ABCA2: variants seen among roughly 807,000 people sequenced by gnomAD.
ABCA2 encodes the protein ATP-binding cassette sub-family A member 2.
Under a neutral mutation model 262.8 loss-of-function variants are expected in ABCA2, and 84 were observed. The ratio of observed to expected loss-of-function variants is 0.32; its 90% CI spans 0.27 to 0.38. The LOEUF (loss-of-function observed/expected upper bound fraction) is 0.38, where lower values mean the gene tolerates loss of function less well. Ranked by LOEUF, ABCA2 falls within the 10% of genes least tolerant of loss-of-function variation. The pLI is 1.00. For missense variants in ABCA2, 2,662 were observed against 3,405.9 expected (o/e 0.78, Z 5.44); for synonymous variants, 1,696 against 1,502.9 (o/e 1.13, Z -2.97).
At position 137,020,998 on chromosome 9, in the gene ABCA2, G is replaced by A; in HGVS notation, c.961C>T (p.Gln321Ter). ...SPQAPPPRRL[Q>*]ALLGDLLDAQ... ...TCCAGCAGGTCCCCCAGAAGCGCCT[G>A]CAGCCTCCGTGGGGGTGGCGCCTGT... The change falls in exon 9 of 49, where the codon CAG (glutamine) becomes TAG (stop). Residue 321 changes from glutamine to a stop codon, truncating the protein, a stop_gained. Coordinates refer to ENST00000341511, the MANE Select transcript of ABCA2 (RefSeq NM_001606.5). LOFTEE classifies it high-confidence loss of function. The A allele has an allele frequency of 6.6e-7, 1 of 1,510,342 alleles. No homozygotes were observed. The highest frequency in any genetic ancestry group is 8.9e-7 in the Non-Finnish European group (1 of 1,128,614). 93.6% of individuals were successfully genotyped at this position (1,510,342 alleles called of 1,614,324 possible).
At chr9:137,027,271 GC>G (rs1412210338) in intron 1 of ABCA2, among the ~76,000 whole-genome samples, 1 of 152,214 alleles carries the variant, frequency 6.6e-6, no homozygotes, top group Non-Finnish European at 1.5e-5. Context: ...ATATCCCCAA[GC>G]CCCTCGCTCC....
Position 137,011,628 on chromosome 9 carries a change from G to T in ABCA2, c.5651+6C>A, listed in dbSNP as rs184604503. On this transcript the variant is annotated splice_donor_region_variant and intron_variant, in intron 36 of 48. Coordinates refer to ENST00000341511, the MANE Select transcript of ABCA2 (RefSeq NM_001606.5). The surrounding 1 kb of genome is among the most constrained non-coding windows in gnomAD (Gnocchi z 8.8). ...TGAGGCCGCTCCCCCCTCCGCTTCC[G>T]CTTACCCATAGAGCAGGAAGAGGGA... 1 of 1,552,906 alleles carries T rather than the reference G, an allele frequency of 6.4e-7. No homozygotes were observed. Among genetic ancestry groups the T allele is most frequent in the Admixed American group, 2.0e-5 (1 of 51,230 alleles).
At chr9:137,010,591 A>AC in intron 40 of ABCA2, 29 bp downstream of exon 40, 2 of 295,876 alleles carry the variant, frequency 6.8e-6, no homozygotes, top group African/African-American at 7.8e-5. Flanking sequence ...TACCCCACCC[A>AC]GGCCCCACCC....
chr9:137,015,074 G>A lies in ABCA2; in HGVS notation c.3721C>T (p.Pro1241Ser). 1.3e-6 allele frequency: 2 copies of A among 1,597,396 alleles called. No homozygotes were observed. The highest frequency in any genetic ancestry group is 3.3e-4 in the Middle Eastern group (2 of 5,978). Residue 1241 changes from proline (P) to serine (S), a missense_variant, in exon 25 of 49, where the codon CCA (proline) becomes TCA (serine). Transcript: ENST00000341511. Reference sequence around the variant, plus strand: ...CAGCTGCTCAGCGGGGCCCGACCTGGGGGGCTGGATGCCAGCCCTGGCTCT... The same window carrying A: ...CAGCTGCTCAGCGGGGCCCGACCTGAGGGGCTGGATGCCAGCCCTGGCTCT... ...PQEPGLASSP[P>S]GRAPLSSCSE...
chr9:137,008,257 C>A (rs746091822), intron 48 of ABCA2, 159 bp downstream of exon 48: 4 of 903,370 alleles, frequency 4.4e-6, no homozygotes, highest in South Asian at 1.4e-5. Flanking sequence ...TCTCTCCAGG[C>A]CTATCTGCAA....
chr9:137,023,269 A>T (rs1299444405), intron 3 of ABCA2: 2 of 633,764 alleles, frequency 3.2e-6, no homozygotes. Context: ...CAGAGGTCAA[A>T]GAGCCACTCA....
intron 3 of ABCA2, chr9:137,023,488 G>A (rs768740374): frequency 5.4e-6 from 4 of 734,818 alleles, no homozygotes; most frequent in East Asian, 2.6e-5. Flanking sequence ...GGAGTATGAA[G>A]GGAGAGTAGC....
intron 1 of ABCA2, among the ~76,000 whole-genome samples, chr9:137,027,144 G>C (rs1179110236): frequency 3.3e-5 from 5 of 152,260 alleles, no homozygotes; most frequent in Non-Finnish European, 7.3e-5. Flanking sequence ...GCCCTGGCCT[G>C]GACAATCCCA....
rs750389114 is a variant in ABCA2 at position 137,021,506 on chromosome 9, C to A, written c.783G>T (p.Leu261=). The A allele has an allele frequency of 6.2e-7, 1 of 1,608,132 alleles. No homozygotes were observed. The highest frequency in any genetic ancestry group is 1.1e-5 in the South Asian group (1 of 90,280). The change falls in exon 8 of 49, where the codon CTG becomes CTT. Residue 261 remains leucine, a synonymous_variant. Coordinates refer to ENST00000341511, the MANE Select transcript of ABCA2 (RefSeq NM_001606.5). The surrounding 1 kb of genome is among the most constrained non-coding windows in gnomAD (Gnocchi z 6.0). ...TGCAGACAGCATCCCGGTAGCCCTG[C>A]AGGGCTCCCTTCTGACTCTCAGGCA... ...LTVPESQKGA[L]QGYRDAVCSG...
Position 137,010,017 on chromosome 9 carries a change from C to A in ABCA2, c.6461G>T (p.Arg2154Leu). The A allele has an allele frequency of 6.3e-7, 1 of 1,599,422 alleles. No individual in the cohort carries two copies. ...GTCCTTCCAGGAGATCCCACGCAGC[C>A]GCGTGTACAGCTGCAGGTGCTCCCG... ...TAREHLQLYTRLRGISWKDEA... is the reference protein window; with the variant it reads ...TAREHLQLYTLLRGISWKDEA... Residue 2154 changes from arginine to leucine, a missense_variant, in exon 42 of 49, where the codon CGG (arginine) becomes CTG (leucine). Arg to Leu is a moderately radical substitution (Grantham distance 102). This residue lies in a region of ABCA2 where 602 missense variants were observed against 897.4 expected (regional missense o/e 0.67). Coordinates refer to ENST00000341511, the MANE Select transcript of ABCA2 (RefSeq NM_001606.5).
Position 137,008,339 on chromosome 9 carries a change from C to A in ABCA2, c.7275+77G>T, listed in dbSNP as rs533434851. ...CCTGGGGCCAGTTCTCCCCCGACCC[C>A]ACCCGCGGCTGGAGCCACCAGGCAG... On this transcript the variant is annotated intron_variant, in intron 48 of 48. Coordinates refer to ENST00000341511, the MANE Select transcript of ABCA2 (RefSeq NM_001606.5). The A allele has an allele frequency of 4.6e-6, 7 of 1,507,840 alleles. No individual in the cohort carries two copies. In the Admixed American group the frequency reaches 5.9e-5, roughly 13 times the overall value. The allele number at this position is 1,507,840 out of a possible 1,614,324, so 93.4% of individuals were successfully genotyped here.
chr9:137,025,689 G>A (rs1831631729), intron 1 of ABCA2, among the ~76,000 whole-genome samples: 1 of 152,182 alleles, frequency 6.6e-6, no homozygotes, highest in Non-Finnish European at 1.5e-5. Context: ...CTGCAGGAGT[G>A]AGGCAATGTC....
chr9:137,024,329 AC>A, intron 1 of ABCA2, 93 bp from the exon 2 acceptor site: 2 of 1,120,160 alleles, frequency 1.8e-6, no homozygotes, highest in Non-Finnish European at 2.5e-6. Flanking sequence ...CCCAGACAGG[AC>A]CACGTGCTCC....
Position 137,017,595 on chromosome 9 carries a change from G to A in ABCA2, c.2309C>T (p.Ala770Val), listed in dbSNP as rs144972341. 121 of 1,612,772 alleles carry A rather than the reference G, an allele frequency of 7.5e-5. No individual in the cohort carries two copies. The highest frequency in any genetic ancestry group is 9.8e-5 in the Non-Finnish European group (116 of 1,179,930). Reference sequence around the variant, plus strand: ...AAGCACCTGGCCGTACTTCAGGATGGCGGTGAGTGCTGTCACGGAGATGGA... The same window carrying A: ...AAGCACCTGGCCGTACTTCAGGATGACGGTGAGTGCTGTCACGGAGATGGA... ...QLSISVTALTAILKYGQVLMH... is the reference protein window; with the variant it reads ...QLSISVTALTVILKYGQVLMH... The change falls in exon 17 of 49, where the codon GCC becomes GTC. Residue 770 changes from alanine (A) to valine (V), a missense_variant. By Grantham distance (64) the Ala-to-Val change is moderately conservative. Coordinates refer to ENST00000341511, the MANE Select transcript of ABCA2 (RefSeq NM_001606.5).
rs764234273 is a variant in ABCA2, at chr9:137,021,605, C to G, written c.684G>C (p.Leu228=). 69 of 1,553,358 alleles carry G rather than the reference C, an allele frequency of 4.4e-5. No individual in the cohort carries two copies. Among genetic ancestry groups the G allele is most frequent in the Non-Finnish European group, 5.4e-5 (62 of 1,149,964 alleles). ...GGNPLFRMEE[L]LLAPALLEQL... ...GCTCCAGGAGGGCAGGAGCCAGCAG[C>G]AGCTCCTGGGATGGGCACAGGGGTC... Residue 228 remains leucine (L), a synonymous_variant, in exon 8 of 49, where the codon CTG becomes CTC. Transcript: ENST00000341511. The surrounding 1 kb of genome is among the most constrained non-coding windows in gnomAD (Gnocchi z 6.0).
Position 137,017,478 on chromosome 9 carries a change from C to T in ABCA2, c.2402+24G>A, listed in dbSNP as rs556498393. 48 of 1,599,920 alleles carry T rather than the reference C, an allele frequency of 3.0e-5. No homozygotes were observed. In the East Asian group the frequency reaches 9.0e-4, roughly 30 times the overall value. On this transcript the variant is annotated intron_variant, in intron 17 of 48. Transcript: ENST00000341511. ...GCTGGGCAAGTGCCTGCCCCAGGTC[C>T]CTCCTACCATGGCCCGCGCTCACCA... is the stretch of plus-strand genomic sequence containing the variant.
chr9:137,007,761 C>A lies in ABCA2; in HGVS notation c.*168G>T. On this transcript the variant is annotated 3_prime_UTR_variant, in exon 49 of 49. Coordinates refer to ENST00000341511, the MANE Select transcript of ABCA2 (RefSeq NM_001606.5). ...AATTAGGGGCGGCAACCGCAGTGAC[C>A]ACAGGGCATGGCCGAGTACAGGGGC... 1 of 938,266 alleles carries A rather than the reference C, an allele frequency of 1.1e-6. No homozygotes were observed. The highest frequency in any genetic ancestry group is 1.5e-5 in the South Asian group (1 of 66,180). The allele number at this position is 938,266 out of a possible 1,614,324, so 58.1% of individuals were successfully genotyped here.
chr9:137,011,340 G>T lies in ABCA2; in HGVS notation c.5800-31C>A. On this transcript the variant is annotated intron_variant, in intron 37 of 48. Transcript: ENST00000341511. This position sits in a 1 kb window ranked among gnomAD's most constrained non-coding sequence, Gnocchi z 8.8. ...GGGTGGCCGGGGTCAGGGGCACAGG[G>T]GTGGCCGGGGTGAGGGGCACAGCCT... is the stretch of plus-strand genomic sequence containing the variant. 2 of 1,604,004 alleles carry T rather than the reference G, an allele frequency of 1.2e-6. No individual in the cohort carries two copies. Among genetic ancestry groups the T allele is most frequent in the Middle Eastern group, 3.3e-4 (2 of 5,998 alleles).
intron 3 of ABCA2, 142 bp downstream of exon 3, chr9:137,023,696 C>G (rs1271184048): frequency 1.4e-6 from 1 of 693,794 alleles, no homozygotes; most frequent in East Asian, 2.7e-5. Context: ...CACCCCCCAT[C>G]TGGAGCCAGC....
Sources: allele counts gnomAD v4.1 joint callset (sites outside exome capture counted in the v4.1 genomes callset), GRCh38; gene constraint gnomAD v4.1.1; regional missense constraint gnomAD v4.1.1; non-coding constraint Gnocchi (gnomAD v3.1); transcripts MANE v1.5; gene names NCBI Gene and HGNC (gene_info 2026-07-23, HGNC 2026-07-21).